The following TEX10 variants were observed in gnomAD, a reference collection of about 807,000 sequenced individuals.
TEX10 encodes testis expressed 10.
Under a neutral mutation model 104.4 loss-of-function variants are expected in TEX10, and 24 were observed. That is an observed-to-expected ratio of 0.23 (90% CI 0.17 to 0.32). TEX10 has a LOEUF of 0.32. TEX10 is among the 10% of genes least tolerant of loss of function. The pLI is 1.00. For synonymous variants in TEX10, 396 were observed against 393.4 expected, an observed-to-expected ratio of 1.01 and a Z score of -0.08; for missense variants, 921 against 1,083.9, an observed-to-expected ratio of 0.85 and a Z score of 2.11.
intron 12 of TEX10, among the ~76,000 whole-genome samples, chr9:100,309,984 C>G (rs1262468620): frequency 6.6e-6 from 1 of 152,148 alleles, no homozygotes; most frequent in Non-Finnish European, 1.5e-5. Context: ...ATTCTCAATA[C>G]AATGAGGCCA....
chr9:100,304,149 G>T, intron 13 of TEX10: 1 of 388,738 alleles, frequency 2.6e-6, no homozygotes, highest in Admixed American at 3.8e-5. Flanking sequence ...GGAATAATCA[G>T]TATTGTTAAA....
At position 100,349,250 on chromosome 9, in the gene TEX10, T is replaced by C. The variant is rs148543662; in HGVS notation, c.114A>G (p.Ile38Met). 3 of 1,606,110 alleles carry C rather than the reference T, an allele frequency of 1.9e-6. No homozygotes were observed. Among genetic ancestry groups the C allele is most frequent in the East Asian group, 2.2e-5 (1 of 44,676 alleles). ...CCTCTTTGAGTTGCTCAGGCAGATGTATAGTCTTTGTTTTAAAGTTTGTAG... is the reference window on the plus strand; with the variant it reads ...CCTCTTTGAGTTGCTCAGGCAGATGCATAGTCTTTGTTTTAAAGTTTGTAG... The part of the protein sequence containing the change: ...ATPTNFKTKT[I>M]HLPEQLKEDG... The change falls in exon 2 of 15, where the codon ATA becomes ATG. Residue 38 changes from isoleucine (I) to methionine (M), a missense_variant. Physicochemically the swap from Ile to Met is conservative, Grantham distance 10. Transcript: ENST00000374902.
At chr9:100,341,556 C>CT (rs1395765131) in intron 4 of TEX10, among the ~76,000 whole-genome samples, 2 of 152,150 alleles carry the variant, frequency 1.3e-5, no homozygotes, top group Middle Eastern at 3.4e-3. Flanking sequence ...TACCAACAGT[C>CT]TGGCTGGCTT....
Position 100,347,188 on chromosome 9 carries a change from T to C in TEX10, c.399A>G (p.Gln133=). The change falls in exon 3 of 15, where the codon CAA becomes CAG. Residue 133 remains glutamine, a synonymous_variant. Transcript: ENST00000374902. ...QFLAPKIRAE[Q]ISPFFPLVSA... Reference sequence around the variant, plus strand: ...TTACCAAAGGAAAAAATGGAGAAATTTGTTCAGCTCGTATTTTGGGGGCCA... The same window carrying C: ...TTACCAAAGGAAAAAATGGAGAAATCTGTTCAGCTCGTATTTTGGGGGCCA... 3.1e-6 allele frequency: 5 copies of C among 1,614,052 alleles called. No individual in the cohort carries two copies. Among genetic ancestry groups the C allele is most frequent in the Non-Finnish European group, 4.2e-6 (5 of 1,179,938 alleles).
chr9:100,314,806 G>A (rs919997776), intron 11 of TEX10, among the ~76,000 whole-genome samples: 3 of 152,062 alleles, frequency 2.0e-5, no homozygotes, highest in African/African-American at 7.2e-5. Flanking sequence ...TGCAACGTTA[G>A]GTTGCTGATT....
chr9:100,336,829 T>C (rs1405952850), intron 5 of TEX10, among the ~76,000 whole-genome samples: 1 of 152,100 alleles, frequency 6.6e-6, no homozygotes, highest in Non-Finnish European at 1.5e-5. Flanking sequence ...TCACAGGCTA[T>C]TTGCTAAGTA....
chr9:100,346,936 T>C lies in TEX10; in HGVS notation c.651A>G (p.Arg217=). ...TCAGCCTCCATTGCTGAGAAGTGAG[T>C]CTCCGATTAGGATTTACAGAAAGTA... ...SWILSVNPNR[R]LTSQQWRLKV... Residue 217 remains arginine, a synonymous_variant, in exon 3 of 15, where the codon AGA becomes AGG. Transcript: ENST00000374902. 1 of 1,614,128 alleles carries C rather than the reference T, an allele frequency of 6.2e-7. No homozygotes were observed. The highest frequency in any genetic ancestry group is 8.5e-7 in the Non-Finnish European group (1 of 1,180,016).
At chr9:100,331,016 G>A (rs139215613) in intron 5 of TEX10, among the ~76,000 whole-genome samples, 1 of 151,768 alleles carries the variant, frequency 6.6e-6, no homozygotes, top group East Asian at 2.0e-4. Context: ...AGCACTTTGA[G>A]AAGCCGAGGC....
chr9:100,352,416 C>T, intron 1 of TEX10: 2 of 1,551,782 alleles, frequency 1.3e-6, no homozygotes, highest in Non-Finnish European at 1.7e-6. Flanking sequence ...GAGGCGAACA[C>T]ACCATGGGTT....
At chr9:100,348,957 G>A (rs1266001748) in intron 2 of TEX10, among the ~76,000 whole-genome samples, 1 of 152,056 alleles carries the variant, frequency 6.6e-6, no homozygotes, top group Non-Finnish European at 1.5e-5. Context: ...AAATATACCA[G>A]GGAGAAACAA....
At chr9:100,307,434 C>T (rs1564201722) in intron 13 of TEX10, 1 of 152,188 alleles carries the variant, frequency 6.6e-6, no homozygotes, top group Admixed American at 6.5e-5. Context: ...AAGAACTTTG[C>T]TGAACCCTGG....
chr9:100,340,048 T>C (rs1489483187), intron 5 of TEX10, among the ~76,000 whole-genome samples: 3 of 152,232 alleles, frequency 2.0e-5, no homozygotes, highest in East Asian at 3.9e-4. Context: ...AAAAAACCAT[T>C]TTACAGACTA....
At chr9:100,306,861 A>G (rs1297486647) in intron 13 of TEX10, 1 of 152,198 alleles carries the variant, frequency 6.6e-6, no homozygotes, top group African/African-American at 2.4e-5. Context: ...ATGTTTCTCT[A>G]TAAGAAACTA....
intron 1 of TEX10, among the ~76,000 whole-genome samples, chr9:100,350,281 C>G (rs923593925): frequency 6.6e-6 from 1 of 152,198 alleles, no homozygotes; most frequent in Admixed American, 6.5e-5. Flanking sequence ...CACTGGTACT[C>G]CTGCCTACTA....
chr9:100,339,273 A>ATATAT (rs1835101027), intron 5 of TEX10, among the ~76,000 whole-genome samples: 1 of 108,372 alleles, frequency 9.2e-6, no homozygotes, highest in Non-Finnish European at 1.9e-5. Flanking sequence ...AAAAAAAAAA[A>ATATAT]AGTATATATA....
chr9:100,336,818 T>C (rs1014390800), intron 5 of TEX10, among the ~76,000 whole-genome samples: 4 of 152,138 alleles, frequency 2.6e-5, no homozygotes, highest in Non-Finnish European at 4.4e-5. Context: ...TGTGCTGCTG[T>C]TCACAGGCTA....
At chr9:100,334,348 ATAT>A (rs1834952045) in intron 5 of TEX10, among the ~76,000 whole-genome samples, 1 of 152,196 alleles carries the variant, frequency 6.6e-6, no homozygotes. Flanking sequence ...ACACAGTAAA[ATAT>A]TATTGTCAGT....
At chr9:100,339,213 C>T (rs1172246419) in intron 5 of TEX10, among the ~76,000 whole-genome samples, 2 of 117,684 alleles carry the variant, frequency 1.7e-5, no homozygotes, top group African/African-American at 3.4e-5. Context: ...GAGATGGTGC[C>T]ACAGCCTGGG....
At position 100,321,730 on chromosome 9, in the gene TEX10, A is replaced by T. The variant is rs183564665; in HGVS notation, c.2021T>A (p.Leu674Ter). 2 of 1,612,762 alleles carry T rather than the reference A, an allele frequency of 1.2e-6. No individual in the cohort carries two copies. Among genetic ancestry groups the T allele is most frequent in the Non-Finnish European group, 1.7e-6 (2 of 1,179,728 alleles). ...GCTGAAATAGTCTACATCACTCATC[A>T]ACCAGTCTTTAGCTGAATACTTCCA... The part of the protein sequence containing the change: ...SGWKYSAKDW[L>*]MSDVDYFSFL... The change falls in exon 10 of 15, where the codon TTG becomes TAG. Residue 674 changes from leucine to a stop codon, truncating the protein, a stop_gained. Coordinates refer to ENST00000374902, the MANE Select transcript of TEX10 (RefSeq NM_017746.4). LOFTEE classifies it high-confidence loss of function.
Sources: allele counts gnomAD v4.1 joint callset (sites outside exome capture counted in the v4.1 genomes callset), GRCh38; gene constraint gnomAD v4.1.1; transcripts MANE v1.5; gene names NCBI Gene and HGNC (gene_info 2026-07-23, HGNC 2026-07-21).